Variants in KYNU observed in about 807,000 individuals in gnomAD.
KYNU encodes the protein L-kynurenine hydrolase.
In KYNU, 54 loss-of-function variants were observed where a neutral mutation model predicts 59.2. The ratio of observed to expected loss-of-function variants is 0.91; its 90% CI spans 0.73 to 1.14. KYNU has a LOEUF of 1.14. KYNU is among the 50% of genes most tolerant of loss of function. KYNU has a pLI of 0.00. For synonymous variants in KYNU, 177 were observed against 192.0 expected, an observed-to-expected ratio of 0.92 and a Z score of 0.65; for missense variants, 567 against 554.4, an observed-to-expected ratio of 1.02 and a Z score of -0.23.
At chr2:143,029,579 C>G (rs1258834701) in intron 10 of KYNU, 48 bp from the exon 11 acceptor site, 1 of 1,195,824 alleles carries the variant, frequency 8.4e-7, no homozygotes, top group African/African-American at 1.5e-5. Context: ...GAGCAAGACT[C>G]CATCCAAAAA....
At chr2:142,879,050 A>G (rs540024477) in intron 1 of KYNU, among the ~76,000 whole-genome samples, 2 of 152,240 alleles carry the variant, frequency 1.3e-5, no homozygotes, top group Non-Finnish European at 2.9e-5. Flanking sequence ...GAAGTTTTTA[A>G]AAGTTTGGAT....
intron 1 of KYNU, among the ~76,000 whole-genome samples, chr2:142,880,300 T>A (rs1233751879): frequency 6.6e-6 from 1 of 152,202 alleles, no homozygotes; most frequent in African/African-American, 2.4e-5. Context: ...TCATGGAATT[T>A]TAGGAATAGC....
intron 2 of KYNU, 37 bp from the exon 3 acceptor site, chr2:142,918,572 A>ATTTTTTTTTTT: frequency 7.6e-7 from 1 of 1,310,852 alleles, no homozygotes. Flanking sequence ...AAAAGCTTTT[A>ATTTTTTTTTTT]TTTTTTTTTT....
chr2:142,960,679 A>G lies in KYNU; in HGVS notation c.638A>G (p.Asp213Gly). The G allele has an allele frequency of 6.2e-7, 1 of 1,612,584 alleles. No individual in the cohort carries two copies. The highest frequency in any genetic ancestry group is 8.5e-7 in the Non-Finnish European group (1 of 1,178,854). The change falls in exon 8 of 14, where the codon GAC (aspartate) becomes GGC (glycine). Residue 213 changes from aspartate to glycine, a missense_variant. Transcript: ENST00000264170. ...DILEVIEKEGDSIAVILFSGV... is the reference protein window; with the variant it reads ...DILEVIEKEGGSIAVILFSGV... ...CTTGAAGTAATTGAGAAGGAAGGAGACTCAATTGCAGTGATCCTGTTCAGT... is the reference window on the plus strand; with the variant it reads ...CTTGAAGTAATTGAGAAGGAAGGAGGCTCAATTGCAGTGATCCTGTTCAGT...
chr2:143,029,183 A>T (rs1686666771), intron 10 of KYNU, among the ~76,000 whole-genome samples: 1 of 152,212 alleles, frequency 6.6e-6, no homozygotes, highest in East Asian at 1.9e-4. Context: ...TAATTACCAT[A>T]TGATACCAGA....
At chr2:142,914,670 A>G (rs1184684233) in intron 2 of KYNU, among the ~76,000 whole-genome samples, 7 of 152,170 alleles carry the variant, frequency 4.6e-5, no homozygotes, top group Non-Finnish European at 8.8e-5. Flanking sequence ...TTTCATTATT[A>G]TATCTGTAAT....
At position 142,900,414 on chromosome 2, in the gene KYNU, C is replaced by A. The variant is rs574198011; in HGVS notation, c.169+14878C>A. ...AGAGCTCCCATACAAAGGGAGGGGA[C>A]CCAAAGAGGGTAGCCATTGCCAGCT... On this transcript the variant is annotated intron_variant, in intron 2 of 13. Coordinates refer to ENST00000264170, the MANE Select transcript of KYNU (RefSeq NM_003937.3). Among the ~76,000 whole-genome samples, 4 of 152,262 alleles carry A rather than the reference C, an allele frequency of 2.6e-5. No homozygotes were observed. In the South Asian group the frequency reaches 6.2e-4, roughly 24 times the overall value.
intron 7 of KYNU, 57 bp from the exon 8 acceptor site, chr2:142,960,567 T>C: frequency 6.6e-7 from 1 of 1,515,048 alleles, no homozygotes. Flanking sequence ...ATCGGCAATA[T>C]GAAATTACAA....
At chr2:143,007,223 G>A (rs1489430543) in intron 10 of KYNU, among the ~76,000 whole-genome samples, 1 of 150,302 alleles carries the variant, frequency 6.7e-6, no homozygotes, top group Admixed American at 6.6e-5. Flanking sequence ...GGAGCTGATG[G>A]AGCTGAAAAC....
rs182263115 is a variant in KYNU, at chr2:142,918,879, T to G, written c.290+150T>G. On this transcript the variant is annotated intron_variant, in intron 3 of 13. Transcript: ENST00000264170. ...TGGAGGATTAGTTCCAGGGCCTCCC[T>G]ATCATTCCAAAATCCACAATGGTCA... The G allele has an allele frequency of 1.0e-5, 9 of 868,472 alleles. No homozygotes were observed. In the South Asian group the frequency reaches 1.5e-4, roughly 15 times the overall value. 53.8% of individuals were successfully genotyped at this position (868,472 alleles called of 1,614,324 possible).
At chr2:142,882,368 T>G (rs1681332890) in intron 1 of KYNU, among the ~76,000 whole-genome samples, 1 of 152,112 alleles carries the variant, frequency 6.6e-6, no homozygotes, top group Non-Finnish European at 1.5e-5. Context: ...CTAGGGTACA[T>G]GTGCACAACG....
intron 12 of KYNU, among the ~76,000 whole-genome samples, chr2:143,039,244 T>G (rs1476748468): frequency 2.0e-5 from 3 of 152,158 alleles, no homozygotes; most frequent in Non-Finnish European, 4.4e-5. Context: ...AGCATTATTA[T>G]TTAACTGCTT....
intron 2 of KYNU, among the ~76,000 whole-genome samples, chr2:142,905,513 CCT>C (rs1428385550): frequency 6.6e-6 from 1 of 152,130 alleles, no homozygotes; most frequent in Non-Finnish European, 1.5e-5. Context: ...ATTTAAATCC[CCT>C]GTTAGGAAAG....
At chr2:142,923,144 A>G (rs774555984) in intron 3 of KYNU, among the ~76,000 whole-genome samples, 1 of 152,236 alleles carries the variant, frequency 6.6e-6, no homozygotes, top group East Asian at 1.9e-4. Context: ...AAATTTTAAC[A>G]TAAGAATTTG....
intron 8 of KYNU, among the ~76,000 whole-genome samples, chr2:142,969,275 A>G (rs1684642019): frequency 6.6e-6 from 1 of 152,216 alleles, no homozygotes; most frequent in Non-Finnish European, 1.5e-5. Context: ...TCAGGGTGAT[A>G]GAAGATATAC....
intron 10 of KYNU, among the ~76,000 whole-genome samples, chr2:143,006,526 A>G (rs58037980): frequency 0.92 from 74,689 of 81,402 alleles, 34,741 homozygotes; most frequent in South Asian, 1. Context: ...CAAAGCAGCC[A>G]GGAAGCTCAA....
At chr2:143,040,361 T>C (rs1687006385) in intron 12 of KYNU, 67 bp from the exon 13 acceptor site, 1 of 1,077,668 alleles carries the variant, frequency 9.3e-7, no homozygotes, top group East Asian at 2.4e-5. Context: ...ATGCATGATT[T>C]ACTCTTAATT....
intron 8 of KYNU, among the ~76,000 whole-genome samples, chr2:142,971,723 G>A (rs1684729613): frequency 6.6e-6 from 1 of 152,216 alleles, no homozygotes; most frequent in South Asian, 2.1e-4. Context: ...ATGTATAAAT[G>A]TGTGTACATC....
intron 8 of KYNU, among the ~76,000 whole-genome samples, chr2:142,970,506 A>G (rs1684687589): frequency 6.6e-6 from 1 of 152,224 alleles, no homozygotes; most frequent in Non-Finnish European, 1.5e-5. Context: ...AAATGGGGCT[A>G]TCTCCAGATA....
Sources: allele counts gnomAD v4.1 joint callset (sites outside exome capture counted in the v4.1 genomes callset), GRCh38; gene constraint gnomAD v4.1.1; transcripts MANE v1.5; gene names NCBI Gene and HGNC (gene_info 2026-07-23, HGNC 2026-07-21).